Variants in TRPM1 observed in about 807,000 individuals in gnomAD.
TRPM1 encodes the protein transient receptor potential cation channel subfamily M member 1.
TRPM1 carries 113 observed loss-of-function variants against 149.4 expected under a neutral mutation model. The observed-to-expected ratio is 0.76, with a 90% CI of 0.65 to 0.88. The LOEUF is 0.88. Ranked by LOEUF, TRPM1 falls within the 40% of genes least tolerant of loss-of-function variation. The probability of loss-of-function intolerance (pLI) is 0.00; values close to 1 mark genes in which losing one functional copy is unlikely to be tolerated. For synonymous variants in TRPM1, 741 were observed against 759.5 expected, an observed-to-expected ratio of 0.98 and a Z score of 0.40; for missense variants, 1,976 against 2,038.7, an observed-to-expected ratio of 0.97 and a Z score of 0.59.
intron 27 of TRPM1, among the ~76,000 whole-genome samples, chr15:31,024,224 T>A (rs1460248851): frequency 6.6e-6 from 1 of 152,172 alleles, no homozygotes; most frequent in Admixed American, 6.5e-5. Context: ...ATAAAACTAA[T>A]TTTATATAGA....
At chr15:31,139,248 T>C (rs2036128301) in intron 1 of TRPM1, among the ~76,000 whole-genome samples, 1 of 152,236 alleles carries the variant, frequency 6.6e-6, no homozygotes, top group Admixed American at 6.5e-5. Flanking sequence ...ATGTAGGTTC[T>C]GTGCCTTTGA....
intron 1 of TRPM1, among the ~76,000 whole-genome samples, chr15:31,113,288 C>G (rs1006171025): frequency 2.0e-5 from 3 of 152,198 alleles, no homozygotes; most frequent in Non-Finnish European, 2.9e-5. Flanking sequence ...CCTGCTCCTC[C>G]CTAACTCTCC....
chr15:31,031,306 G>T, intron 22 of TRPM1, 149 bp from the exon 23 acceptor site: 1 of 842,910 alleles, frequency 1.2e-6, no homozygotes, highest in Non-Finnish European at 1.9e-6. Context: ...TCCCATCCCT[G>T]GGAAGGCTTT....
intron 21 of TRPM1, among the ~76,000 whole-genome samples, chr15:31,033,808 A>G (rs890613493): frequency 6.6e-6 from 1 of 152,238 alleles, no homozygotes; most frequent in African/African-American, 2.4e-5. Flanking sequence ...CCAGGACGGC[A>G]CAGCGATGGT....
intron 1 of TRPM1, among the ~76,000 whole-genome samples, chr15:31,113,900 G>A (rs1003739337): frequency 3.9e-5 from 6 of 152,162 alleles, no homozygotes; most frequent in African/African-American, 9.7e-5. Context: ...GCTGGCTAAC[G>A]GGTGGGCAGC....
chr15:31,022,698 A>G (rs2032589792), intron 27 of TRPM1, among the ~76,000 whole-genome samples: 1 of 152,152 alleles, frequency 6.6e-6, no homozygotes, highest in African/African-American at 2.4e-5. Flanking sequence ...TCCATGAGGG[A>G]ACTCATTAAG....
At chr15:31,088,353 C>T (rs982104382) in intron 1 of TRPM1, among the ~76,000 whole-genome samples, 5 of 152,182 alleles carry the variant, frequency 3.3e-5, no homozygotes, top group African/African-American at 9.6e-5. Context: ...TGGAAGCTTT[C>T]TTCTTTTTGT....
At chr15:31,049,589 A>C in intron 12 of TRPM1, 80 bp from the exon 13 acceptor site, 1 of 1,552,000 alleles carries the variant, frequency 6.4e-7, no homozygotes, top group South Asian at 1.1e-5. Flanking sequence ...ACACAGAGGA[A>C]AGGGTATTCC....
At chr15:31,089,347 A>G (rs1026542139) in intron 1 of TRPM1, among the ~76,000 whole-genome samples, 6 of 152,184 alleles carry the variant, frequency 3.9e-5, no homozygotes, top group Non-Finnish European at 7.3e-5. Flanking sequence ...ACTTGGTTCA[A>G]AATCCGGGAG....
intron 27 of TRPM1, among the ~76,000 whole-genome samples, chr15:31,005,577 A>G (rs1410324013): frequency 6.6e-6 from 1 of 152,156 alleles, no homozygotes; most frequent in African/African-American, 2.4e-5. Flanking sequence ...ATGCTTAATG[A>G]TGTGCCCTGG....
chr15:31,002,029 C>T lies in TRPM1; in HGVS notation c.4671G>A (p.Leu1557=), dbSNP rs558497596. The change falls in exon 28 of 28, where the codon CTG becomes CTA. Residue 1557 remains leucine, a synonymous_variant. Transcript: ENST00000256552. ...ITDRNGMENL[L]SVKPDQTLGF... is the part of the protein sequence containing the mutation. ...CCAAAGTTTGATCTGGCTTCACAGA[C>T]AGTAAGTTTTCCATCCCATTTCTGT... is the stretch of plus-strand genomic sequence containing the variant. 593 of 1,614,196 alleles carry T rather than the reference C, an allele frequency of 3.7e-4. 10 individuals carry two copies. The South Asian group carries it at 6.2e-3, about 17-fold the overall frequency.
intron 27 of TRPM1, among the ~76,000 whole-genome samples, chr15:31,007,721 C>T (rs571418809): frequency 6.6e-6 from 1 of 152,274 alleles, no homozygotes; most frequent in Non-Finnish European, 1.5e-5. Context: ...ACAAAATATC[C>T]TGCTGGGATT....
chr15:31,065,409 A>G (rs2140960014), intron 7 of TRPM1, among the ~76,000 whole-genome samples: 1 of 152,310 alleles, frequency 6.6e-6, no homozygotes. Context: ...TCATTTAACA[A>G]TTGTTTGACG....
Position 31,033,055 on chromosome 15 carries a change from C to T in TRPM1, c.2701-115G>A, listed in dbSNP as rs183442607. ...TCCAGGTCATCTGGCCCCTTTCCTA[C>T]TCAAAACGTTTAAACACTCTTCTTC... On this transcript the variant is annotated intron_variant, in intron 21 of 27. Coordinates refer to ENST00000256552, the MANE Select transcript of TRPM1 (RefSeq NM_001252024.2). The T allele has an allele frequency of 2.1e-5, 31 of 1,450,154 alleles. No homozygotes were observed. In the East Asian group the frequency reaches 6.6e-4, roughly 31 times the overall value. 89.8% of individuals were successfully genotyped at this position (1,450,154 alleles called of 1,614,324 possible). A position where few individuals can be genotyped will look rare whatever the true frequency, so the allele number is the denominator to read the frequency against.
chr15:31,047,337 C>G, intron 14 of TRPM1, 86 bp from the exon 15 acceptor site: 1 of 1,495,836 alleles, frequency 6.7e-7, no homozygotes, highest in South Asian at 1.1e-5. Flanking sequence ...AGTGGCTGTC[C>G]TGGCCCCCAC....
At position 31,002,605 on chromosome 15, in the gene TRPM1, T is replaced by C; in HGVS notation, c.4095A>G (p.Val1365=). 6.2e-7 allele frequency: 1 copy of C among 1,614,222 alleles called. No individual in the cohort carries two copies. The highest frequency in any genetic ancestry group is 8.5e-7 in the Non-Finnish European group (1 of 1,180,038). Residue 1365 remains valine (V), a synonymous_variant, in exon 28 of 28, where the codon GTA becomes GTG. Coordinates refer to ENST00000256552, the MANE Select transcript of TRPM1 (RefSeq NM_001252024.2). ...ACTCTTCAGCGTTCTTTAAGTCATC[T>C]ACTGCAAGGTGACTGCCATCTGGGG... is the stretch of plus-strand genomic sequence containing the variant. ...SATPDGSHLA[V]DDLKNAEESK...
Position 31,067,065 on chromosome 15 carries a change from C to G in TRPM1, c.616G>C (p.Asp206His), listed in dbSNP as rs2034396322. The change falls in exon 6 of 28, where the codon GAT becomes CAT. Residue 206 changes from aspartate (D) to histidine (H), a missense_variant and splice_region_variant. Around this residue, in one of 3 missense-constraint regions of TRPM1, gnomAD observed 1,332 missense variants for 1,347.1 expected, o/e 0.99. Coordinates refer to ENST00000256552, the MANE Select transcript of TRPM1 (RefSeq NM_001252024.2). ...ACATTTGCAGAGAAAACACTTACAT[C>G]CTTTCCAACCAGGTCTTCCTTATTC... The part of the protein sequence containing the change: ...VENKEDLVGK[D>H]VTRVYQTMSN... 2 of 1,614,184 alleles carry G rather than the reference C, an allele frequency of 1.2e-6. No individual in the cohort carries two copies. Among genetic ancestry groups the G allele is most frequent in the Non-Finnish European group, 8.5e-7 (1 of 1,180,032 alleles).
rs1257862766 is a variant in TRPM1, at chr15:31,064,890, T to C, written c.790+1186A>G. ...GAGATATTGGAAAAATGAACTAAGATATCCTGGACTCCGCCTTTGAGATTT... is the reference window on the plus strand; with the variant it reads ...GAGATATTGGAAAAATGAACTAAGACATCCTGGACTCCGCCTTTGAGATTT... On this transcript the variant is annotated intron_variant, in intron 7 of 27. Transcript: ENST00000256552. 7.4e-6 allele frequency: 3 copies of C among 403,948 alleles called. No individual in the cohort carries two copies. In the East Asian group the frequency reaches 1.8e-4, roughly 24 times the overall value. The allele number at this position is 403,948 out of a possible 1,614,324, so 25.0% of individuals were successfully genotyped here. A position where few individuals can be genotyped will look rare whatever the true frequency, so the allele number is the denominator to read the frequency against.
In TRPM1 at chr15:31,029,371, G is replaced by A. The variant is rs555928261; in HGVS notation, c.3148C>T (p.Pro1050Ser). 103 of 1,613,626 alleles carry A rather than the reference G, an allele frequency of 6.4e-5. 2 individuals carry two copies. The South Asian group carries it at 1.1e-3, about 17-fold the overall frequency. ...AATAATCAATTCCATGTAAACTTAC[G>A]ATTAATTTCCATGGCGTAGACTACA... ...QIDLYAMEIN[P>S]PCGENLYDEE... The change falls in exon 24 of 28, where the codon CCT becomes TCT. Residue 1050 changes from proline (P) to serine (S), a missense_variant and splice_region_variant. Transcript: ENST00000256552.
Sources: allele counts gnomAD v4.1 joint callset (sites outside exome capture counted in the v4.1 genomes callset), GRCh38; gene constraint gnomAD v4.1.1; regional missense constraint gnomAD v4.1.1; transcripts MANE v1.5; gene names NCBI Gene and HGNC (gene_info 2026-07-23, HGNC 2026-07-21).